Variants in BRMS1L observed in about 807,000 individuals in gnomAD.
BRMS1L encodes the protein BRMS1 like transcriptional repressor.
A neutral mutation model predicts 50.3 loss-of-function variants in BRMS1L; 23 were observed. The ratio of observed to expected loss-of-function variants is 0.46; its 90% confidence interval spans 0.33 to 0.65. BRMS1L has a LOEUF of 0.65. Ranked by LOEUF, BRMS1L falls within the 30% of genes least tolerant of loss-of-function variation. The probability of loss-of-function intolerance (pLI) is 0.02; values close to 1 mark genes in which losing one functional copy is unlikely to be tolerated. For missense variants in BRMS1L, 286 were observed against 386.1 expected, an observed-to-expected ratio of 0.74 and a Z score of 2.17; for synonymous variants, 114 against 126.9, an observed-to-expected ratio of 0.90 and a Z score of 0.69.
At chr14:35,862,764 T>G (rs1355719460) in intron 5 of BRMS1L, 78 bp downstream of exon 5, 1 of 773,746 alleles carries the variant, frequency 1.3e-6, no homozygotes, top group African/African-American at 1.8e-5. Context: ...CGTATCTCAG[T>G]CTTCTAATAT....
At chr14:35,835,103 A>T (rs1308229858) in intron 4 of BRMS1L, among the ~76,000 whole-genome samples, 180 bp downstream of exon 4, 1 of 152,168 alleles carries the variant, frequency 6.6e-6, no homozygotes, top group Non-Finnish European at 1.5e-5. Flanking sequence ...GAGATAGGAC[A>T]CAAAGAAAGG....
intron 4 of BRMS1L, among the ~76,000 whole-genome samples, chr14:35,861,168 T>C (rs2148411): frequency 0.03 from 4,624 of 152,248 alleles, 192 homozygotes; most frequent in African/African-American, 0.088. Flanking sequence ...CTTCTGATAT[T>C]TTTAGAGATG....
intron 1 of BRMS1L, chr14:35,829,869 G>A: frequency 2.5e-6 from 3 of 1,220,934 alleles, no homozygotes; most frequent in African/African-American, 1.6e-5. Context: ...GAATATATGT[G>A]ATATGAACAT....
intron 4 of BRMS1L, among the ~76,000 whole-genome samples, chr14:35,856,616 G>GT (rs2078283067): frequency 6.6e-6 from 1 of 151,454 alleles, no homozygotes; most frequent in African/African-American, 2.4e-5. Flanking sequence ...TTTTTTGGGG[G>GT]GGGGTTTGTT....
chr14:35,857,486 A>T (rs1442533978), intron 4 of BRMS1L, among the ~76,000 whole-genome samples: 3 of 150,800 alleles, frequency 2.0e-5, no homozygotes, highest in Non-Finnish European at 3.0e-5. Context: ...TTCCTTTCTT[A>T]AAAAAAAATT....
In BRMS1L at chr14:35,868,012, A is replaced by G. The variant is rs1309125933; in HGVS notation, c.834A>G (p.Lys278=). 6.2e-7 allele frequency: 1 copy of G among 1,601,924 alleles called. No homozygotes were observed. Among genetic ancestry groups the G allele is most frequent in the Non-Finnish European group, 8.5e-7 (1 of 1,176,554 alleles). The change falls in exon 9 of 10, where the codon AAA becomes AAG. Residue 278 remains lysine, a synonymous_variant. Coordinates refer to ENST00000216807, the MANE Select transcript of BRMS1L (RefSeq NM_032352.4). ...YIRGQTICID[K]KDECPTSAVI... The stretch of plus-strand genomic sequence containing the variant: ...GTGGACAAACAATATGTATTGATAA[A>G]AAAGATGAATGTCCTACAAGGTAAA...
intron 4 of BRMS1L, among the ~76,000 whole-genome samples, chr14:35,851,946 A>G (rs2078217081): frequency 6.6e-6 from 1 of 152,172 alleles, no homozygotes; most frequent in African/African-American, 2.4e-5. Context: ...TCGCTTGACT[A>G]TACATGGATG....
chr14:35,846,138 G>C (rs2078130673), intron 4 of BRMS1L, among the ~76,000 whole-genome samples: 2 of 152,144 alleles, frequency 1.3e-5, no homozygotes, highest in African/African-American at 4.8e-5. Context: ...TGTAGTCCCA[G>C]CGCTTTGGGA....
intron 2 of BRMS1L, among the ~76,000 whole-genome samples, chr14:35,831,828 G>T (rs978322385): frequency 6.6e-6 from 1 of 152,172 alleles, no homozygotes. Context: ...GTTAAGGCAG[G>T]TGGATCAATT....
intron 2 of BRMS1L, among the ~76,000 whole-genome samples, chr14:35,832,349 CAAAAAAA>C (rs869067604): frequency 1.6e-5 from 1 of 61,646 alleles, no homozygotes; most frequent in South Asian, 4.8e-4. Context: ...CTAAAAAATA[CAAAAAAA>C]AAAAAAAAAA....
chr14:35,842,654 C>T (rs1328029754), intron 4 of BRMS1L, among the ~76,000 whole-genome samples: 1 of 152,008 alleles, frequency 6.6e-6, no homozygotes, highest in Non-Finnish European at 1.5e-5. Flanking sequence ...GATTATGTGT[C>T]TTGGGGTTGC....
Position 35,833,003 on chromosome 14 carries a change from G to T in BRMS1L, c.259G>T (p.Val87Leu). 6.2e-7 allele frequency: 1 copy of T among 1,612,774 alleles called. No individual in the cohort carries two copies. The highest frequency in any genetic ancestry group is 8.5e-7 in the Non-Finnish European group (1 of 1,179,202). The change falls in exon 3 of 10, where the codon GTG (valine) becomes TTG (leucine). Residue 87 changes from valine (V) to leucine (L), a missense_variant. By Grantham distance (32) the Val-to-Leu change is conservative. Transcript: ENST00000216807. ...ACTTTATAAAGAACGATTAAGTCAG[G>T]TGGATGCAAAACTACAAGAAGTCAT... ...DQLYKERLSQ[V>L]DAKLQEVIAG...
intron 9 of BRMS1L, 112 bp downstream of exon 9, chr14:35,868,144 A>T (rs1413522403): frequency 1.8e-6 from 2 of 1,103,680 alleles, no homozygotes; most frequent in African/African-American, 1.6e-5. Flanking sequence ...TTGCTTGTGG[A>T]TCCTTTTTTC....
At chr14:35,840,339 T>C (rs2078046580) in intron 4 of BRMS1L, among the ~76,000 whole-genome samples, 2 of 152,216 alleles carry the variant, frequency 1.3e-5, no homozygotes, top group South Asian at 4.1e-4. Context: ...TTCTTTTTTG[T>C]TGTGTCTCTG....
intron 4 of BRMS1L, among the ~76,000 whole-genome samples, chr14:35,856,670 G>A (rs2078284114): frequency 6.6e-6 from 1 of 151,876 alleles, no homozygotes; most frequent in African/African-American, 2.4e-5. Flanking sequence ...GGAGTGTAGT[G>A]GCGCGATCTT....
intron 4 of BRMS1L, among the ~76,000 whole-genome samples, chr14:35,837,256 A>C (rs992338485): frequency 1.4e-5 from 2 of 146,832 alleles, no homozygotes; most frequent in African/African-American, 5.0e-5. Context: ...ACTCCGGCTC[A>C]AAAAAAAAAA....
intron 1 of BRMS1L, chr14:35,829,782 C>G (rs983327674): frequency 8.7e-7 from 1 of 1,147,762 alleles, no homozygotes; most frequent in African/African-American, 1.6e-5. Context: ...CATGATTTAA[C>G]TCTTTCTCAT....
intron 4 of BRMS1L, among the ~76,000 whole-genome samples, chr14:35,850,128 T>C (rs2142051266): frequency 6.7e-6 from 1 of 149,236 alleles, no homozygotes; most frequent in East Asian, 2.0e-4. Flanking sequence ...GGCTGAAGAA[T>C]TTCTTATATA....
intron 1 of BRMS1L, among the ~76,000 whole-genome samples, chr14:35,827,077 C>T (rs895538150): frequency 6.6e-6 from 1 of 152,218 alleles, no homozygotes; most frequent in African/African-American, 2.4e-5. Context: ...TAGTAATTAA[C>T]CTCAGTTTGC....
Sources: allele counts gnomAD v4.1 joint callset (sites outside exome capture counted in the v4.1 genomes callset), GRCh38; gene constraint gnomAD v4.1.1; transcripts MANE v1.5; gene names NCBI Gene and HGNC (gene_info 2026-07-23, HGNC 2026-07-21).